The following VAC14 variants were observed in gnomAD, a reference collection of about 807,000 sequenced individuals.
The protein encoded by VAC14 is protein VAC14 homolog.
In VAC14, 47 loss-of-function variants were observed where a neutral mutation model predicts 85.3. The observed-to-expected ratio is 0.55, with a 90% CI of 0.44 to 0.70. VAC14 has a LOEUF of 0.70. Ranked by LOEUF, VAC14 falls within the 30% of genes least tolerant of loss-of-function variation. The pLI is 0.00. For synonymous variants in VAC14, 447 were observed against 430.5 expected (o/e 1.04, Z -0.47); for missense variants, 861 against 1,004.3 (o/e 0.86, Z 1.93).
intron 10 of VAC14, chr16:70,769,150 G>A (rs1449904375): frequency 1.0e-5 from 2 of 196,504 alleles, no homozygotes; most frequent in Non-Finnish European, 2.1e-5. Context: ...AGGGTCCATA[G>A]CTTTCATCAG....
At chr16:70,758,030 G>C (rs1344724576) in intron 12 of VAC14, among the ~76,000 whole-genome samples, 1 of 152,202 alleles carries the variant, frequency 6.6e-6, no homozygotes, top group Non-Finnish European at 1.5e-5. Context: ...AAGAACCAGA[G>C]AGGGAAGTCA....
At chr16:70,715,138 C>T (rs544377536) in intron 14 of VAC14, 1 of 152,398 alleles carries the variant, frequency 6.6e-6, no homozygotes, top group African/African-American at 2.4e-5. Flanking sequence ...AGCCACACTC[C>T]AGGTTGCCCA....
At chr16:70,721,428 G>A (rs552500426) in intron 14 of VAC14, among the ~76,000 whole-genome samples, 51 of 152,128 alleles carry the variant, frequency 3.4e-4, no homozygotes, top group African/African-American at 1.1e-3. Flanking sequence ...GGATGAGGAC[G>A]AGAAAGACGA....
At chr16:70,794,210 G>T (rs1452535898) in intron 1 of VAC14, among the ~76,000 whole-genome samples, 1 of 152,136 alleles carries the variant, frequency 6.6e-6, no homozygotes, top group East Asian at 1.9e-4. Context: ...TCACGAAGCT[G>T]TGCAACCATC....
At chr16:70,778,755 T>C (rs1218188127) in intron 9 of VAC14, 1 of 152,210 alleles carries the variant, frequency 6.6e-6, no homozygotes, top group African/African-American at 2.4e-5. Flanking sequence ...TATTAAAAAC[T>C]GGAAAAAATA....
intron 12 of VAC14, among the ~76,000 whole-genome samples, chr16:70,748,205 G>C (rs1317357074): frequency 6.6e-6 from 1 of 152,196 alleles, no homozygotes; most frequent in Non-Finnish European, 1.5e-5. Context: ...TCCTGACCCT[G>C]GACCAGTTAA....
chr16:70,745,520 C>CGCGT (rs1555520583), intron 12 of VAC14, among the ~76,000 whole-genome samples: 5 of 93,216 alleles, frequency 5.4e-5, no homozygotes, highest in African/African-American at 2.1e-4. Context: ...TGTGTGTGTG[C>CGCGT]GCGTGTGCGC....
At position 70,780,920 on chromosome 16, in the gene VAC14, G is replaced by A. The variant is rs776361528; in HGVS notation, c.966C>T (p.Asn322=). The change falls in exon 9 of 19, where the codon AAC becomes AAT. Residue 322 remains asparagine, a synonymous_variant. Transcript: ENST00000261776. ...DRKKSIKEVA[N]VCNQSLMKLV... ...GCTTCATCAGGCTCTGGTTGCACAC[G>A]TTGGCCACTTCTTTGATGCCTGAGT... 15 of 1,614,162 alleles carry A rather than the reference G, an allele frequency of 9.3e-6. No homozygotes were observed. The highest frequency in any genetic ancestry group is 4.4e-5 in the South Asian group (4 of 91,072).
At chr16:70,784,670 T>C (rs1273294422) in intron 4 of VAC14, 106 bp downstream of exon 4, 7 of 1,121,588 alleles carry the variant, frequency 6.2e-6, no homozygotes, top group Middle Eastern at 2.0e-4. Flanking sequence ...ATTTAAAATA[T>C]ATTTTAAATT....
chr16:70,796,235 G>A (rs1596975065), intron 1 of VAC14, among the ~76,000 whole-genome samples: 1 of 152,254 alleles, frequency 6.6e-6, no homozygotes. Flanking sequence ...CACACTGGTG[G>A]TCTTAAGATT....
At chr16:70,784,290 G>A in intron 4 of VAC14, 70 bp from the exon 5 acceptor site, 1 of 1,335,634 alleles carries the variant, frequency 7.5e-7, no homozygotes, top group Admixed American at 1.8e-5. Context: ...TGAATCACTT[G>A]CCCAGGGCTG....
At chr16:70,782,101 G>A (rs2033842367) in intron 7 of VAC14, 98 bp from the exon 8 acceptor site, 1 of 1,489,716 alleles carries the variant, frequency 6.7e-7, no homozygotes, top group Non-Finnish European at 9.0e-7. Context: ...GCGGCCTGTG[G>A]AACCCAAGCG....
At chr16:70,706,105 C>T (rs1204008506) in intron 14 of VAC14, among the ~76,000 whole-genome samples, 2 of 152,254 alleles carry the variant, frequency 1.3e-5, no homozygotes, top group Non-Finnish European at 2.9e-5. Flanking sequence ...TCTAGCCCCA[C>T]TGGCCTGGTG....
At chr16:70,772,086 T>C in intron 10 of VAC14, 23 bp downstream of exon 10, 3 of 1,612,756 alleles carry the variant, frequency 1.9e-6, no homozygotes, top group Non-Finnish European at 2.5e-6. Context: ...CCACAAACCT[T>C]CTGGCTGAAA....
intron 13 of VAC14, among the ~76,000 whole-genome samples, chr16:70,738,159 G>A (rs2054821814): frequency 1.3e-5 from 2 of 152,358 alleles, no homozygotes; most frequent in South Asian, 4.1e-4. Context: ...AAGAGGACAG[G>A]GTGGGGAAGG....
intron 18 of VAC14, chr16:70,690,050 G>C (rs1470922299): frequency 4.1e-6 from 4 of 985,408 alleles, no homozygotes. Context: ...CAAGGCCTTA[G>C]GTTAGGGGAG....
chr16:70,696,863 C>T (rs536375988), intron 16 of VAC14: 16 of 377,962 alleles, frequency 4.2e-5, no homozygotes, highest in Admixed American at 7.8e-5. Context: ...TGGCACCTGC[C>T]GGGCTGGGCC....
At position 70,731,298 on chromosome 16, in the gene VAC14, G is replaced by A. The variant is rs911045443; in HGVS notation, c.1661+197C>T. 8 of 1,415,468 alleles carry A rather than the reference G, an allele frequency of 5.7e-6. No homozygotes were observed. The African/African-American group carries it at 1.0e-4, about 18-fold the overall frequency. The allele number at this position is 1,415,468 out of a possible 1,614,324, so 87.7% of individuals were successfully genotyped here. A position where few individuals can be genotyped will look rare whatever the true frequency, so the allele number is the denominator to read the frequency against. On this transcript the variant is annotated intron_variant, in intron 14 of 18. Coordinates refer to ENST00000261776, the MANE Select transcript of VAC14 (RefSeq NM_018052.5). ...AGTTGTGCGGAAAAACATCAACACT[G>A]ACCTGTCTGTTTCATGTCAGAAGCA...
At chr16:70,789,507 G>A (rs570853093) in intron 1 of VAC14, among the ~76,000 whole-genome samples, 28 of 152,348 alleles carry the variant, frequency 1.8e-4, no homozygotes, top group Middle Eastern at 3.4e-3. Context: ...CACATCTGGG[G>A]CATTGGTGGT....
Sources: gnomAD v4.1 joint callset for allele counts (sites outside exome capture counted in the v4.1 genomes callset) on GRCh38, gnomAD v4.1.1 for gene constraint, MANE v1.5 for transcripts, NCBI Gene and HGNC (gene_info 2026-07-23, HGNC 2026-07-21) for gene names.